The following C10orf143 variants were observed in gnomAD, a reference collection of about 807,000 sequenced individuals.
C10orf143 encodes uncharacterized protein C10orf143.
intron 1 of C10orf143, among the ~76,000 whole-genome samples, chr10:130,099,503 CTTT>C (rs1483841450): frequency 6.9e-6 from 1 of 144,206 alleles, no homozygotes; most frequent in East Asian, 2.0e-4. Context: ...GAATCTTCTT[CTTT>C]TATTTTTATT....
At chr10:130,076,919 C>A (rs1049671853) in intron 3 of C10orf143, among the ~76,000 whole-genome samples, 11 of 152,150 alleles carry the variant, frequency 7.2e-5, no homozygotes, top group Admixed American at 2.0e-4. Flanking sequence ...CAGCACATGA[C>A]AGGGAGAGCA....
rs935578723 is a variant in C10orf143, at chr10:130,056,668, T to C, written c.298-20698A>G. On this transcript the variant is annotated intron_variant and NMD_transcript_variant, in intron 3 of 5. Coordinates refer to the C10orf143 transcript ENST00000643056. This position sits in a 1 kb window ranked among gnomAD's most constrained non-coding sequence, Gnocchi z 4.6. ...GTGCAGTGGCGCTCTCTTGGCTCAC[T>C]GCAAGCTCCGCCTCCTGGGTTCATG... 4.6e-5 allele frequency among the ~76,000 whole-genome samples: 7 copies of C among 152,050 alleles called. No individual in the cohort carries two copies. Among genetic ancestry groups the C allele is most frequent in the Non-Finnish European group, 1.0e-4 (7 of 68,002 alleles).
chr10:130,042,919 C>T (rs1006741885), intron 3 of C10orf143, among the ~76,000 whole-genome samples: 4 of 152,050 alleles, frequency 2.6e-5, no homozygotes, highest in African/African-American at 9.7e-5. Flanking sequence ...GGCAAAATAC[C>T]CTTATCTGTT....
chr10:130,110,548 TG>T (rs1175309483), intron 1 of C10orf143, among the ~76,000 whole-genome samples, 155 bp downstream of exon 1: 1 of 140,916 alleles, frequency 7.1e-6, no homozygotes, highest in Non-Finnish European at 1.5e-5. Flanking sequence ...CGCCCATCAC[TG>T]GCCACGCCCT....
chr10:130,035,745 T>G (rs2134717044), intron 4 of C10orf143: 1 of 152,448 alleles, frequency 6.6e-6, no homozygotes, highest in Non-Finnish European at 1.5e-5. Flanking sequence ...CACTGCATCC[T>G]GGGCCTGTGC....
intron 1 of C10orf143, among the ~76,000 whole-genome samples, chr10:130,091,053 C>T (rs1413805889): frequency 1.3e-5 from 2 of 152,174 alleles, no homozygotes; most frequent in African/African-American, 2.4e-5. Context: ...TCTCCTAGCA[C>T]AGCACTCAAG....
chr10:130,105,914 C>T (rs1002679395), intron 1 of C10orf143: 22 of 368,426 alleles, frequency 6.0e-5, no homozygotes, highest in South Asian at 3.4e-4. Context: ...CAGCTCCCCC[C>T]CGCAGCCGGC....
chr10:130,046,753 G>A (rs1208154215), intron 3 of C10orf143, among the ~76,000 whole-genome samples: 1 of 152,166 alleles, frequency 6.6e-6, no homozygotes, highest in Non-Finnish European at 1.5e-5. Flanking sequence ...CCACCAGCTC[G>A]CCCACGCCGC....
intron 1 of C10orf143, chr10:130,106,974 C>A (rs1416546481): frequency 9.6e-7 from 1 of 1,039,784 alleles, no homozygotes; most frequent in Non-Finnish European, 1.5e-6. Context: ...CTAAAAGGAG[C>A]TCTGAAGAAA....
At chr10:130,049,593 G>T (rs944308776) in intron 3 of C10orf143, among the ~76,000 whole-genome samples, 1 of 152,190 alleles carries the variant, frequency 6.6e-6, no homozygotes, top group Non-Finnish European at 1.5e-5. Context: ...CACTCAGACC[G>T]GTGGGTGCTC....
chr10:130,043,544 C>T (rs894133995), intron 3 of C10orf143, among the ~76,000 whole-genome samples: 5 of 152,244 alleles, frequency 3.3e-5, no homozygotes, highest in African/African-American at 1.2e-4. Context: ...TCCCCAACCC[C>T]TCTGTCAGCC....
At chr10:130,035,343 C>T (rs979272564) in intron 4 of C10orf143, among the ~76,000 whole-genome samples, 1 of 152,200 alleles carries the variant, frequency 6.6e-6, no homozygotes, top group African/African-American at 2.4e-5. Flanking sequence ...GATTAGGACC[C>T]ACCCCAAAGA....
intron 3 of C10orf143, among the ~76,000 whole-genome samples, chr10:130,042,516 C>T (rs1470823529): frequency 6.6e-6 from 1 of 152,232 alleles, no homozygotes; most frequent in Non-Finnish European, 1.5e-5. Flanking sequence ...AGCGCGGAAG[C>T]CCTTTCTGTG....
chr10:130,080,276 C>T (rs1861185365), intron 1 of C10orf143, among the ~76,000 whole-genome samples: 1 of 152,206 alleles, frequency 6.6e-6, no homozygotes, highest in African/African-American at 2.4e-5. Context: ...AAGTTACATA[C>T]TTTCTTAATA....
At chr10:130,107,609 T>C (rs750247295) in intron 1 of C10orf143, 8 of 1,343,658 alleles carry the variant, frequency 6.0e-6, no homozygotes, top group Admixed American at 1.7e-5. Flanking sequence ...TCCCTCATCA[T>C]TGGGTCGGCC....
intron 1 of C10orf143, chr10:130,107,612 G>C: frequency 1.5e-6 from 2 of 1,343,286 alleles, no homozygotes; most frequent in Non-Finnish European, 2.1e-6. Flanking sequence ...CTCATCATTG[G>C]GTCGGCCTTC....
chr10:130,035,216 G>T (rs1860531501), intron 4 of C10orf143, among the ~76,000 whole-genome samples: 1 of 151,984 alleles, frequency 6.6e-6, no homozygotes, highest in African/African-American at 2.4e-5. Flanking sequence ...TTTCCTCTGA[G>T]GTCCCTCTTC....
Position 130,065,562 on chromosome 10 carries a change from A to C in C10orf143, c.298-1179T>G, listed in dbSNP as rs1382478188. 1.3e-5 allele frequency: 2 copies of C among 152,374 alleles called. No individual in the cohort carries two copies. The highest frequency in any genetic ancestry group is 2.9e-5 in the Non-Finnish European group (2 of 68,186). 9.4% of individuals were successfully genotyped at this position (152,374 alleles called of 1,614,324 possible). On this transcript the variant is annotated intron_variant, in intron 3 of 3. Coordinates refer to ENST00000637128, the MANE Select transcript of C10orf143 (RefSeq NM_001355042.2). This position sits in a 1 kb window ranked among gnomAD's most constrained non-coding sequence, Gnocchi z 4.2. ...GAGGTCAAGCAACACTGAGATTTGA[A>C]GGGCCCTGGATGCCATGGTGAATAC...
At chr10:130,041,839 G>T (rs1860610607) in intron 3 of C10orf143, among the ~76,000 whole-genome samples, 1 of 150,186 alleles carries the variant, frequency 6.7e-6, no homozygotes, top group Admixed American at 6.6e-5. Flanking sequence ...ACACATGCAT[G>T]TACACACATG....
Sources: allele counts gnomAD v4.1 joint callset (sites outside exome capture counted in the v4.1 genomes callset), GRCh38; gene constraint gnomAD v4.1.1; non-coding constraint Gnocchi (gnomAD v3.1); transcripts MANE v1.5; gene names NCBI Gene and HGNC (gene_info 2026-07-23, HGNC 2026-07-21).